The following ATP13A5 variants were observed in gnomAD, a reference collection of about 807,000 sequenced individuals.
ATP13A5 encodes probable cation-transporting ATPase 13A5.
In ATP13A5, 149 loss-of-function variants were observed where a neutral mutation model predicts 150.2. That is an observed-to-expected ratio of 0.99 (90% CI 0.87 to 1.14). The LOEUF is 1.14. Ranked by LOEUF, ATP13A5 falls within the 50% of genes most tolerant of loss-of-function variation. The probability of loss-of-function intolerance (pLI) is 0.00; values close to 1 mark genes in which losing one functional copy is unlikely to be tolerated. For missense variants in ATP13A5, 1,383 were observed against 1,449.3 expected, an observed-to-expected ratio of 0.95 and a Z score of 0.74; for synonymous variants, 497 against 522.2, an observed-to-expected ratio of 0.95 and a Z score of 0.66.
Position 193,331,257 on chromosome 3 carries a change from G to A in ATP13A5, c.1327C>T (p.Pro443Ser). Residue 443 changes from proline (P) to serine (S), a missense_variant, in exon 12 of 30, where the codon CCT (proline) becomes TCT (serine). Physicochemically the swap from Pro to Ser is moderately conservative, Grantham distance 74. Coordinates refer to ENST00000342358, the MANE Select transcript of ATP13A5 (RefSeq NM_198505.4). ...GTCAGGGCAGCTGGCAGCACTGGAGGGACAGTCACGGTGAGGAGGATCAGG... is the reference window on the plus strand; with the variant it reads ...GTCAGGGCAGCTGGCAGCACTGGAGAGACAGTCACGGTGAGGAGGATCAGG... ...MALILLTVTV[P>S]PVLPAALTIG... The A allele has an allele frequency of 6.2e-7, 1 of 1,614,010 alleles. No individual in the cohort carries two copies. The highest frequency in any genetic ancestry group is 8.5e-7 in the Non-Finnish European group (1 of 1,179,958).
chr3:193,303,444 T>C (rs73074717), intron 23 of ATP13A5, among the ~76,000 whole-genome samples: 2,605 of 152,210 alleles, frequency 0.017, 99 homozygotes, highest in African/African-American at 0.059. Context: ...TGTATATATA[T>C]AATTTTGTGT....
At chr3:193,280,669 C>T in intron 27 of ATP13A5, among the ~76,000 whole-genome samples, 1 of 152,212 alleles carries the variant, frequency 6.6e-6, no homozygotes, top group East Asian at 1.9e-4. Context: ...ACCTCACCCA[C>T]TCCTCTGTCA....
intron 6 of ATP13A5, among the ~76,000 whole-genome samples, chr3:193,353,417 T>C (rs1165065736): frequency 6.7e-6 from 1 of 149,314 alleles, no homozygotes; most frequent in Admixed American, 6.7e-5. Flanking sequence ...AAAATGAAAA[T>C]AATAAAGCCA....
At position 193,276,831 on chromosome 3, in the gene ATP13A5, C is replaced by G. The variant is rs1264185782; in HGVS notation, c.3316-1G>C. ...TCCACGATGTTATGGTTGGGATCAA[C>G]TGTTGAAAAACAAATACCATTATTA... On this transcript the variant is annotated splice_acceptor_variant, in intron 28 of 29. Coordinates refer to ENST00000342358, the MANE Select transcript of ATP13A5 (RefSeq NM_198505.4). LOFTEE classifies it high-confidence loss of function. The G allele has an allele frequency of 6.2e-7, 1 of 1,611,562 alleles. No homozygotes were observed. Among genetic ancestry groups the G allele is most frequent in the East Asian group, 2.2e-5 (1 of 44,836 alleles).
chr3:193,363,988 C>T (rs1427205266), intron 2 of ATP13A5, 119 bp downstream of exon 2: 1 of 1,145,358 alleles, frequency 8.7e-7, no homozygotes, highest in Non-Finnish European at 1.2e-6. Context: ...TCTATGGAAA[C>T]TCTTTAAATA....
chr3:193,344,117 G>A, intron 8 of ATP13A5, 62 bp from the exon 9 acceptor site: 8 of 1,575,778 alleles, frequency 5.1e-6, no homozygotes, highest in Non-Finnish European at 6.9e-6. Context: ...TAAGAATGAA[G>A]GCAACTAAGA....
intron 27 of ATP13A5, among the ~76,000 whole-genome samples, chr3:193,284,308 A>G (rs933664194): frequency 6.6e-6 from 1 of 152,112 alleles, no homozygotes; most frequent in African/African-American, 2.4e-5. Flanking sequence ...TACAGGAGTG[A>G]GCCACCACTC....
In ATP13A5 at chr3:193,330,445, G is replaced by A. The variant is rs1248290731; in HGVS notation, c.1461+678C>T. Among the ~76,000 whole-genome samples, 10 of 152,366 alleles carry A rather than the reference G, an allele frequency of 6.6e-5. No homozygotes were observed. In the East Asian group the frequency reaches 1.4e-3, roughly 21 times the overall value. On this transcript the variant is annotated intron_variant, in intron 12 of 29. Coordinates refer to ENST00000342358, the MANE Select transcript of ATP13A5 (RefSeq NM_198505.4). ...ATTGAAGACAAAAGGGACCCAGCCA[G>A]GCCCACTGCTTTACAGCAGTTAAAC...
intron 12 of ATP13A5, among the ~76,000 whole-genome samples, chr3:193,328,650 T>A (rs1711510761): frequency 2.6e-5 from 4 of 152,148 alleles, no homozygotes; most frequent in African/African-American, 9.7e-5. Context: ...CTAAGGGGAA[T>A]AAGATAGAAA....
intron 17 of ATP13A5, 92 bp from the exon 18 acceptor site, chr3:193,315,188 T>C: frequency 7.7e-6 from 10 of 1,292,104 alleles, no homozygotes; most frequent in Non-Finnish European, 1.1e-5. Flanking sequence ...ATAAGTTTTA[T>C]TAATGCAATA....
At chr3:193,364,460 C>T (rs1057023033) in intron 1 of ATP13A5, among the ~76,000 whole-genome samples, 180 bp from the exon 2 acceptor site, 1 of 152,066 alleles carries the variant, frequency 6.6e-6, no homozygotes, top group African/African-American at 2.4e-5. Context: ...AAAAGAAGGA[C>T]TTATTTTACT....
intron 5 of ATP13A5, among the ~76,000 whole-genome samples, chr3:193,359,845 G>T (rs898307350): frequency 1.3e-5 from 2 of 151,958 alleles, no homozygotes; most frequent in Non-Finnish European, 2.9e-5. Flanking sequence ...GTGCAGGGGG[G>T]CTGGGAGAGG....
chr3:193,299,144 C>T lies in ATP13A5; in HGVS notation c.2835G>A (p.Met945Ile). 1 of 1,606,752 alleles carries T rather than the reference C, an allele frequency of 6.2e-7. No homozygotes were observed. The highest frequency in any genetic ancestry group is 2.2e-5 in the East Asian group (1 of 44,662). ...TAAAGAGCTTACTTGTTAAACAGAC[C>T]ATCAAAGTAATGGCTACATCTTGCA... Reference protein sequence around the residue: ...YLMQDVAITLMVCLTMSSTHA... With the variant: ...YLMQDVAITLIVCLTMSSTHA... The change falls in exon 25 of 30, where the codon ATG becomes ATA. Residue 945 changes from methionine (M) to isoleucine (I), a missense_variant. Physicochemically the swap from Met to Ile is conservative, Grantham distance 10. Around this residue, in one of 3 missense-constraint regions of ATP13A5, gnomAD observed 568 missense variants for 621.5 expected, o/e 0.91. Transcript: ENST00000342358.
At chr3:193,322,258 CTT>C (rs1341852758) in intron 15 of ATP13A5, among the ~76,000 whole-genome samples, 1 of 152,186 alleles carries the variant, frequency 6.6e-6, no homozygotes, top group Admixed American at 6.5e-5. Context: ...CCAAGTGTGT[CTT>C]GTTTTGAAGC....
chr3:193,374,479 C>T (rs1229630503), intron 1 of ATP13A5, among the ~76,000 whole-genome samples: 2 of 152,066 alleles, frequency 1.3e-5, no homozygotes, highest in South Asian at 2.1e-4. Context: ...CTCGTCTCTA[C>T]TGAAATTTTT....
rs750102175 is a variant in ATP13A5, at chr3:193,276,827, T to C, written c.3319A>G (p.Ile1107Val). Residue 1107 changes from isoleucine (I) to valine (V), a missense_variant, in exon 29 of 30, where the codon ATC (isoleucine) becomes GTC (valine). This residue lies in a region of ATP13A5 where 568 missense variants were observed against 621.5 expected (regional missense o/e 0.91). Coordinates refer to ENST00000342358, the MANE Select transcript of ATP13A5 (RefSeq NM_198505.4). ...FQVIYRGMEL[I>V]PTITSWRVLI... ...ACCCTCCACGATGTTATGGTTGGGA[T>C]CAACTGTTGAAAAACAAATACCATT... The C allele has an allele frequency of 1.1e-5, 17 of 1,612,516 alleles. No individual in the cohort carries two copies. Among genetic ancestry groups the C allele is most frequent in the East Asian group, 2.2e-5 (1 of 44,850 alleles).
intron 25 of ATP13A5, among the ~76,000 whole-genome samples, chr3:193,293,153 A>G (rs2108831123): frequency 6.6e-6 from 1 of 152,162 alleles, no homozygotes; most frequent in East Asian, 1.9e-4. Flanking sequence ...GTGAAGCCCT[A>G]TGTTCTCCAC....
intron 17 of ATP13A5, 25 bp downstream of exon 17, chr3:193,318,966 T>C: frequency 2.0e-6 from 3 of 1,528,520 alleles, no homozygotes; most frequent in Non-Finnish European, 2.7e-6. Flanking sequence ...GAGCCTGCTC[T>C]AGTGCCAATT....
intron 1 of ATP13A5, among the ~76,000 whole-genome samples, chr3:193,372,690 A>G (rs921671075): frequency 2.6e-5 from 4 of 152,232 alleles, no homozygotes; most frequent in African/African-American, 4.8e-5. Flanking sequence ...AGCACATCAA[A>G]TAAAGCACTT....
Sources: gnomAD v4.1 joint callset for allele counts (sites outside exome capture counted in the v4.1 genomes callset) on GRCh38, gnomAD v4.1.1 for gene constraint, gnomAD v4.1.1 regional missense constraint, MANE v1.5 for transcripts, NCBI Gene and HGNC (gene_info 2026-07-23, HGNC 2026-07-21) for gene names.